The following PTPRD variants were observed in gnomAD, a reference collection of about 807,000 sequenced individuals.
The protein encoded by PTPRD is protein tyrosine phosphatase receptor type D.
In PTPRD, 34 loss-of-function variants were observed where a neutral mutation model predicts 214.5. The observed-to-expected ratio is 0.16, with a 90% CI of 0.12 to 0.21. PTPRD has a LOEUF of 0.21. Among genes scored for constraint, PTPRD ranks in the 10% least tolerant of loss-of-function variants. The pLI is 1.00. For missense variants in PTPRD, 2,545 were observed against 2,398.7 expected, an observed-to-expected ratio of 1.06 and a Z score of -1.27; for synonymous variants, 1,128 against 845.7, an observed-to-expected ratio of 1.33 and a Z score of -5.79.
intron 3 of PTPRD, among the ~76,000 whole-genome samples, chr9:10,335,676 A>T (rs1406134565): frequency 6.6e-6 from 1 of 151,768 alleles, no homozygotes; most frequent in Non-Finnish European, 1.5e-5. Context: ...ACTGTAAGAA[A>T]ATATTTGTAA....
chr9:8,796,756 A>G (rs2154515110), intron 11 of PTPRD, among the ~76,000 whole-genome samples: 1 of 152,226 alleles, frequency 6.6e-6, no homozygotes, highest in African/African-American at 2.4e-5. Flanking sequence ...GAGAAATTCA[A>G]ATTTCCTTAA....
intron 4 of PTPRD, among the ~76,000 whole-genome samples, chr9:10,023,622 T>A (rs2096865954): frequency 9.7e-6 from 1 of 103,182 alleles, no homozygotes; most frequent in East Asian, 2.0e-4. Context: ...CATGGAACTA[T>A]TTTTTTTTTT....
chr9:10,417,672 G>GTAATATTAAGTAATT (rs1203817509), intron 2 of PTPRD, among the ~76,000 whole-genome samples: 4 of 151,630 alleles, frequency 2.6e-5, no homozygotes, highest in African/African-American at 9.7e-5. Context: ...CTTAATATTA[G>GTAATATTAAGTAATT]AAAGTAACAA....
At chr9:10,550,530 G>A (rs1422329978) in intron 2 of PTPRD, among the ~76,000 whole-genome samples, 1 of 152,144 alleles carries the variant, frequency 6.6e-6, no homozygotes, top group Non-Finnish European at 1.5e-5. Flanking sequence ...GAGACCCTCT[G>A]AGGAGTCCTG....
intron 37 of PTPRD, among the ~76,000 whole-genome samples, chr9:8,386,039 C>A (rs1047348755): frequency 6.6e-6 from 1 of 152,286 alleles, no homozygotes; most frequent in African/African-American, 2.4e-5. Context: ...CACTGTAAAG[C>A]CCCCAACTTC....
chr9:9,727,598 A>G (rs1480942667), intron 7 of PTPRD, among the ~76,000 whole-genome samples: 1 of 152,186 alleles, frequency 6.6e-6, no homozygotes, highest in Non-Finnish European at 1.5e-5. Context: ...TCTTAGTGTC[A>G]ATTCCTTGGA....
intron 4 of PTPRD, among the ~76,000 whole-genome samples, chr9:9,942,165 T>C (rs1188653201): frequency 1.3e-5 from 2 of 152,160 alleles, no homozygotes; most frequent in East Asian, 3.9e-4. Context: ...TTGGCATCTG[T>C]GTGTCTTTGC....
chr9:10,515,423 C>T lies in PTPRD; in HGVS notation c.-600+96975G>A, dbSNP rs189537017. ...ACCATAAAAGGGCAACGCCATTTGG[C>T]GATATACACTATTGCTAGCTTGAAG... On this transcript the variant is annotated intron_variant, in intron 2 of 45. Coordinates refer to ENST00000381196, the MANE Select transcript of PTPRD (RefSeq NM_002839.4). Among the ~76,000 whole-genome samples, 497 of 151,948 alleles carry T rather than the reference C, an allele frequency of 3.3e-3. 1 individual carries two copies. The highest frequency in any genetic ancestry group is 0.011 in the African/African-American group (476 of 41,492).
intron 5 of PTPRD, among the ~76,000 whole-genome samples, chr9:9,775,825 G>C (rs139708180): frequency 6.6e-6 from 1 of 151,732 alleles, no homozygotes; most frequent in African/African-American, 2.4e-5. Flanking sequence ...GCATGGTGGC[G>C]GACGCCTGCA....
At chr9:8,530,681 A>AAATAT (rs2075454051) in intron 14 of PTPRD, among the ~76,000 whole-genome samples, 1 of 152,100 alleles carries the variant, frequency 6.6e-6, no homozygotes, top group Non-Finnish European at 1.5e-5. Flanking sequence ...ACTGTTTAAA[A>AAATAT]AATATATATA....
intron 5 of PTPRD, among the ~76,000 whole-genome samples, chr9:9,890,409 G>A (rs2072861634): frequency 6.6e-6 from 1 of 151,758 alleles, no homozygotes; most frequent in African/African-American, 2.4e-5. Flanking sequence ...ATGTTGCCCA[G>A]GCTGGTCTTG....
chr9:9,494,659 G>C (rs1038752694), intron 8 of PTPRD, among the ~76,000 whole-genome samples: 2 of 152,332 alleles, frequency 1.3e-5, no homozygotes, highest in East Asian at 3.9e-4. Context: ...ATATTGTTGA[G>C]AGAAGTTTTC....
At chr9:8,812,594 A>G (rs1348992343) in intron 11 of PTPRD, among the ~76,000 whole-genome samples, 4 of 152,162 alleles carry the variant, frequency 2.6e-5, no homozygotes, top group Admixed American at 6.5e-5. Context: ...AGAAAATTTG[A>G]TAAGAGTTCA....
chr9:9,520,962 T>C (rs79401037), intron 8 of PTPRD, among the ~76,000 whole-genome samples: 3,707 of 152,226 alleles, frequency 0.024, 75 homozygotes, highest in Non-Finnish European at 0.032. Flanking sequence ...CTTGTAAAAA[T>C]TGTAGATTTG....
intron 14 of PTPRD, among the ~76,000 whole-genome samples, chr9:8,548,421 G>A (rs72696641): frequency 6.6e-6 from 1 of 151,760 alleles, no homozygotes; most frequent in Non-Finnish European, 1.5e-5. Context: ...AGGCTGTACT[G>A]CCGTGGCACA....
chr9:9,837,939 C>A (rs1565651323), intron 5 of PTPRD, among the ~76,000 whole-genome samples: 1 of 152,088 alleles, frequency 6.6e-6, no homozygotes, highest in Non-Finnish European at 1.5e-5. Context: ...CCACAACAGT[C>A]CCCAGAGTAT....
intron 10 of PTPRD, among the ~76,000 whole-genome samples, chr9:9,025,060 A>C (rs142832235): frequency 3.3e-5 from 5 of 152,070 alleles, no homozygotes; most frequent in East Asian, 1.9e-4. Flanking sequence ...GTCCCTTGTA[A>C]ATTTTTTGGA....
chr9:8,323,257 G>A (rs1457148816), intron 44 of PTPRD, among the ~76,000 whole-genome samples: 1 of 152,190 alleles, frequency 6.6e-6, no homozygotes, highest in African/African-American at 2.4e-5. Flanking sequence ...CTGGTGGAAT[G>A]TACAAGGAGA....
intron 4 of PTPRD, among the ~76,000 whole-genome samples, chr9:9,965,968 C>A (rs2094665042): frequency 6.6e-6 from 1 of 152,104 alleles, no homozygotes; most frequent in Admixed American, 6.6e-5. Context: ...CTTTTGTTTG[C>A]TTTTGAGTAT....
Sources: allele counts gnomAD v4.1 joint callset (sites outside exome capture counted in the v4.1 genomes callset), GRCh38; gene constraint gnomAD v4.1.1; transcripts MANE v1.5; gene names NCBI Gene and HGNC (gene_info 2026-07-23, HGNC 2026-07-21).